The following AP3S1 variants were observed in gnomAD, a reference collection of about 807,000 sequenced individuals.
The protein encoded by AP3S1 is adaptor related protein complex 3 subunit sigma 1.
AP3S1 carries 12 observed loss-of-function variants against 21.3 expected under a neutral mutation model. That is an observed-to-expected ratio of 0.56 (90% CI 0.36 to 0.91). The LOEUF is 0.91. Ranked by LOEUF, AP3S1 falls within the 40% of genes least tolerant of loss-of-function variation. The pLI is 0.01. For synonymous variants in AP3S1, 48 were observed against 78.4 expected (o/e 0.61, Z 2.05); for missense variants, 116 against 225.0 (o/e 0.52, Z 3.10).
intron 3 of AP3S1, among the ~76,000 whole-genome samples, chr5:115,893,807 T>C (rs1750524630): frequency 6.6e-6 from 1 of 152,202 alleles, no homozygotes; most frequent in South Asian, 2.1e-4. Flanking sequence ...GTTATTACAT[T>C]ATAATAATGT....
At chr5:115,846,555 GTTTT>G (rs760506831) in intron 1 of AP3S1, among the ~76,000 whole-genome samples, 1 of 128,034 alleles carries the variant, frequency 7.8e-6, no homozygotes, top group African/African-American at 2.9e-5. Context: ...CTTCTTTCTC[GTTTT>G]TTTTTTTTTT....
intron 1 of AP3S1, chr5:115,852,909 A>G (rs1317667859): frequency 2.6e-6 from 1 of 381,322 alleles, no homozygotes; most frequent in African/African-American, 2.1e-5. Flanking sequence ...CTTTTTGGTT[A>G]CTATGAATAA....
chr5:115,885,153 CTT>C (rs1403939799), intron 3 of AP3S1, among the ~76,000 whole-genome samples: 1 of 152,158 alleles, frequency 6.6e-6, no homozygotes, highest in Non-Finnish European at 1.5e-5. Context: ...ACATTAATGA[CTT>C]TCCATTTGTA....
intron 5 of AP3S1, among the ~76,000 whole-genome samples, chr5:115,908,356 T>G (rs1172165864): frequency 6.6e-6 from 1 of 152,138 alleles, no homozygotes; most frequent in Admixed American, 6.5e-5. Context: ...TTGGCCTTTT[T>G]TAAAAAAAAT....
Position 115,845,836 on chromosome 5 carries a change from CAAAAAAAAAAAAAAAAAAAAAAAAAAA to C in AP3S1, c.69+3742_69+3768del, listed in dbSNP as rs755171274. Among the ~76,000 whole-genome samples the C allele has an allele frequency of 4.9e-3, 168 of 34,458 alleles. 1 individual carries two copies. The highest frequency in any genetic ancestry group is 7.8e-3 in the South Asian group (4 of 516). The allele number at this position is 34,458 out of a possible 152,430, so 22.6% of individuals were successfully genotyped here. On this transcript the variant is annotated intron_variant, in intron 1 of 5. Transcript: ENST00000316788. ...TGGGTGACAGAGTGAGACTCCATCTCAAAAAAAAAAAAAAAAAAAAAAAAAAAAAAAAAAAAAATTCAAGTCTGGACT... is the reference window on the plus strand; with the variant it reads ...TGGGTGACAGAGTGAGACTCCATCTCAAAAAAAAAAATTCAAGTCTGGACT...
Position 115,886,168 on chromosome 5 carries a change from T to G in AP3S1, c.274-8919T>G, listed in dbSNP as rs892801904. On this transcript the variant is annotated intron_variant, in intron 3 of 5. Coordinates refer to ENST00000316788, the MANE Select transcript of AP3S1 (RefSeq NM_001284.4). ...GATAAAAGTAGTTGCCTTATGGGAT[T>G]ACTGCAAAGGCTCAAATAAAATAAT... Among the ~76,000 whole-genome samples, 4 of 152,218 alleles carry G rather than the reference T, an allele frequency of 2.6e-5. No individual in the cohort carries two copies. In the East Asian group the frequency reaches 7.7e-4, roughly 29 times the overall value.
chr5:115,901,981 ATTAT>A (rs774216302), intron 4 of AP3S1, among the ~76,000 whole-genome samples: 1 of 152,210 alleles, frequency 6.6e-6, no homozygotes, highest in Non-Finnish European at 1.5e-5. Context: ...ACTTACATAA[ATTAT>A]TTATTTAATT....
chr5:115,897,364 C>CA (rs1483979773), intron 4 of AP3S1, among the ~76,000 whole-genome samples: 1 of 152,074 alleles, frequency 6.6e-6, no homozygotes, highest in Admixed American at 6.5e-5. Context: ...GGCAAGGAGA[C>CA]AAAAGTTTTA....
intron 3 of AP3S1, among the ~76,000 whole-genome samples, chr5:115,875,859 C>A (rs967469274): frequency 6.6e-6 from 1 of 152,086 alleles, no homozygotes; most frequent in South Asian, 2.1e-4. Flanking sequence ...GTGCAGGATT[C>A]CTAAAATTAT....
intron 1 of AP3S1, among the ~76,000 whole-genome samples, chr5:115,851,568 A>C (rs1762441211): frequency 6.6e-6 from 1 of 152,092 alleles, no homozygotes; most frequent in Non-Finnish European, 1.5e-5. Context: ...TTTAGTGACT[A>C]GTGCTGTTGT....
At chr5:115,884,079 A>T (rs1026074635) in intron 3 of AP3S1, among the ~76,000 whole-genome samples, 3 of 152,178 alleles carry the variant, frequency 2.0e-5, no homozygotes, top group Admixed American at 2.0e-4. Context: ...TATAGAAACC[A>T]TGTTTATCAC....
chr5:115,872,370 A>G (rs760783205), intron 3 of AP3S1, among the ~76,000 whole-genome samples: 1 of 152,144 alleles, frequency 6.6e-6, no homozygotes, highest in Non-Finnish European at 1.5e-5. Context: ...TTACTCTTAA[A>G]TCTGTAATTC....
At chr5:115,885,545 CT>C (rs1434393224) in intron 3 of AP3S1, among the ~76,000 whole-genome samples, 1 of 152,190 alleles carries the variant, frequency 6.6e-6, no homozygotes, top group Admixed American at 6.5e-5. Flanking sequence ...ATTTAACCTT[CT>C]TTTGCCTGCT....
intron 1 of AP3S1, among the ~76,000 whole-genome samples, chr5:115,851,070 G>C (rs1762406435): frequency 6.6e-6 from 1 of 152,174 alleles, no homozygotes; most frequent in Non-Finnish European, 1.5e-5. Flanking sequence ...GCAGTATAAA[G>C]CAGTTTCAAT....
intron 3 of AP3S1, among the ~76,000 whole-genome samples, chr5:115,894,675 G>C (rs1362786448): frequency 1.3e-5 from 2 of 152,162 alleles, no homozygotes; most frequent in Non-Finnish European, 2.9e-5. Context: ...ATACTGATTT[G>C]ATAATTAAAA....
chr5:115,854,268 C>G (rs1762642786), intron 1 of AP3S1, among the ~76,000 whole-genome samples: 1 of 152,128 alleles, frequency 6.6e-6, no homozygotes, highest in Non-Finnish European at 1.5e-5. Flanking sequence ...GGGAGACATT[C>G]AAACCAAAGC....
chr5:115,844,968 A>G (rs940862001), intron 1 of AP3S1, among the ~76,000 whole-genome samples: 1 of 142,690 alleles, frequency 7.0e-6, no homozygotes, highest in Admixed American at 6.7e-5. Context: ...TGCTAAATGC[A>G]TTTATTTAGA....
intron 3 of AP3S1, among the ~76,000 whole-genome samples, chr5:115,874,837 T>G (rs1748564080): frequency 6.6e-6 from 1 of 152,104 alleles, no homozygotes; most frequent in Admixed American, 6.6e-5. Flanking sequence ...GAAAGACCTG[T>G]GAATTAAAGC....
At chr5:115,900,284 A>G (rs922311956) in intron 4 of AP3S1, among the ~76,000 whole-genome samples, 2 of 152,178 alleles carry the variant, frequency 1.3e-5, no homozygotes, top group African/African-American at 4.8e-5. Context: ...TTAGTATCCT[A>G]TGGCATAAAA....
Sources: allele counts gnomAD v4.1 joint callset (sites outside exome capture counted in the v4.1 genomes callset), GRCh38; gene constraint gnomAD v4.1.1; transcripts MANE v1.5; gene names NCBI Gene and HGNC (gene_info 2026-07-23, HGNC 2026-07-21).